The following ERI3 variants were observed in gnomAD, a reference collection of about 807,000 sequenced individuals.
The protein encoded by ERI3 is ERI1 exoribonuclease 3.
A neutral mutation model predicts 44.4 loss-of-function variants in ERI3; 18 were observed. The observed-to-expected ratio is 0.41, with a 90% confidence interval of 0.28 to 0.60. The LOEUF is 0.60. ERI3 is among the 20% of genes least tolerant of loss of function. The probability of loss-of-function intolerance (pLI) is 0.36; values close to 1 mark genes in which losing one functional copy is unlikely to be tolerated. For synonymous variants in ERI3, 183 were observed against 164.8 expected (o/e 1.11, Z -0.84); for missense variants, 294 against 435.5 (o/e 0.68, Z 2.89).
At chr1:44,293,658 G>C (rs1235964221) in intron 6 of ERI3, among the ~76,000 whole-genome samples, 1 of 152,250 alleles carries the variant, frequency 6.6e-6, no homozygotes. Flanking sequence ...TGGAGGATGA[G>C]AGTGGGAATG....
At chr1:44,309,721 T>G (rs961436660) in intron 5 of ERI3, among the ~76,000 whole-genome samples, 14 of 150,674 alleles carry the variant, frequency 9.3e-5, no homozygotes, top group Non-Finnish European at 2.1e-4. Flanking sequence ...CCTGCCACCA[T>G]GCCTGGCTAA....
chr1:44,347,226 A>G (rs1469236820), intron 2 of ERI3, among the ~76,000 whole-genome samples: 1 of 152,218 alleles, frequency 6.6e-6, no homozygotes, highest in Non-Finnish European at 1.5e-5. Context: ...ACTCAACCTT[A>G]AGCAATAATT....
At chr1:44,277,917 C>T (rs1025436109) in intron 7 of ERI3, among the ~76,000 whole-genome samples, 4 of 152,154 alleles carry the variant, frequency 2.6e-5, no homozygotes, top group Admixed American at 1.3e-4. Context: ...ATAACCATAG[C>T]GTCTAGCACA....
At chr1:44,325,039 T>C (rs895387057) in intron 3 of ERI3, among the ~76,000 whole-genome samples, 11 of 151,380 alleles carry the variant, frequency 7.3e-5, no homozygotes, top group Admixed American at 1.3e-4. Flanking sequence ...TTCATCTACC[T>C]TGTAAAATGG....
At chr1:44,301,780 G>A (rs1376183800) in intron 6 of ERI3, among the ~76,000 whole-genome samples, 2 of 152,106 alleles carry the variant, frequency 1.3e-5, no homozygotes, top group Non-Finnish European at 2.9e-5. Flanking sequence ...GAGAAATTGG[G>A]GCCTTTGGCT....
chr1:44,321,038 C>G (rs1023949620), intron 3 of ERI3, among the ~76,000 whole-genome samples: 6 of 152,068 alleles, frequency 3.9e-5, no homozygotes, highest in Admixed American at 3.9e-4. Context: ...AGAAGCAACA[C>G]GAAACGGATG....
At chr1:44,324,754 T>C (rs1476942252) in intron 3 of ERI3, among the ~76,000 whole-genome samples, 1 of 152,140 alleles carries the variant, frequency 6.6e-6, no homozygotes, top group Non-Finnish European at 1.5e-5. Context: ...AGTGTTGGGA[T>C]TACAGGCGTG....
At chr1:44,269,254 C>T (rs747714770) in intron 7 of ERI3, among the ~76,000 whole-genome samples, 5 of 152,188 alleles carry the variant, frequency 3.3e-5, no homozygotes, top group African/African-American at 4.8e-5. Context: ...ATCCAACTCC[C>T]TTATTTGTTA....
At chr1:44,288,450 G>A (rs896277025) in intron 6 of ERI3, among the ~76,000 whole-genome samples, 1 of 152,150 alleles carries the variant, frequency 6.6e-6, no homozygotes, top group Non-Finnish European at 1.5e-5. Context: ...ACTTGAGCTT[G>A]CAAGTGCCTC....
intron 6 of ERI3, among the ~76,000 whole-genome samples, chr1:44,288,964 C>T (rs1428094599): frequency 2.0e-5 from 3 of 152,196 alleles, no homozygotes; most frequent in Admixed American, 6.5e-5. Flanking sequence ...CGGGCACAAA[C>T]GTGCAGGCAG....
rs1646599239 is a variant in ERI3 at position 44,339,283 on chromosome 1, T to C, written c.251A>G (p.Gln84Arg). Residue 84 changes from glutamine (Q) to arginine (R), a missense_variant, in exon 3 of 9, where the codon CAG (glutamine) becomes CGG (arginine). Physicochemically the swap from Gln to Arg is conservative, Grantham distance 43. This residue lies in a region of ERI3 where 187 missense variants were observed against 338.6 expected (regional missense o/e 0.55). Coordinates refer to ENST00000372257, the MANE Select transcript of ERI3 (RefSeq NM_024066.3). ...ASGCSMLAPL[Q>R]TGAARFSSYL... is the part of the protein sequence containing the mutation. ...CGAAGAAAATCGAGCTGCTCCAGTC[T>C]GTAAAGGTGCTAGCATTGAACATCC... The C allele has an allele frequency of 4.4e-6, 7 of 1,608,930 alleles. No individual in the cohort carries two copies. Among genetic ancestry groups the C allele is most frequent in the Non-Finnish European group, 5.9e-6 (7 of 1,179,252 alleles).
At chr1:44,351,826 C>G (rs1442978713) in intron 2 of ERI3, among the ~76,000 whole-genome samples, 3 of 152,078 alleles carry the variant, frequency 2.0e-5, no homozygotes, top group Non-Finnish European at 4.4e-5. Context: ...CATGTCTTCA[C>G]CTAATTTTTT....
intron 4 of ERI3, among the ~76,000 whole-genome samples, chr1:44,313,529 GT>G: frequency 6.6e-6 from 1 of 152,300 alleles, no homozygotes; most frequent in Non-Finnish European, 1.5e-5. Flanking sequence ...TCAGCTTTCA[GT>G]TTGCAAACAA....
At chr1:44,298,769 C>G (rs866530135) in intron 6 of ERI3, among the ~76,000 whole-genome samples, 4 of 152,072 alleles carry the variant, frequency 2.6e-5, no homozygotes, top group Middle Eastern at 3.2e-3. Context: ...AATACAAAAA[C>G]TAGCTGGGCG....
rs114603435 is a variant in ERI3, at chr1:44,227,518, T to G, written c.932-5878A>C. Among the ~76,000 whole-genome samples, 584 of 152,304 alleles carry G rather than the reference T, an allele frequency of 3.8e-3. 5 individuals carry two copies. Among genetic ancestry groups the G allele is most frequent in the African/African-American group, 0.014 (561 of 41,554 alleles). ...CTTGACACAGGACTGCCAGATTAAATGCAGCCCCACCAGCTCCATACAGGA... is the reference window on the plus strand; with the variant it reads ...CTTGACACAGGACTGCCAGATTAAAGGCAGCCCCACCAGCTCCATACAGGA... On this transcript the variant is annotated intron_variant, in intron 8 of 8. Coordinates refer to ENST00000372257, the MANE Select transcript of ERI3 (RefSeq NM_024066.3).
At chr1:44,304,585 C>A (rs1265347562) in intron 6 of ERI3, among the ~76,000 whole-genome samples, 1 of 152,072 alleles carries the variant, frequency 6.6e-6, no homozygotes, top group East Asian at 1.9e-4. Context: ...CACATCCCCA[C>A]AGGACGGTCA....
chr1:44,313,088 C>T (rs924349478), intron 5 of ERI3, 81 bp downstream of exon 5: 41 of 1,200,916 alleles, frequency 3.4e-5, no homozygotes, highest in African/African-American at 6.0e-5. Context: ...TCAAATTACA[C>T]GGCTACATTC....
At chr1:44,246,906 A>T (rs1472241205) in intron 8 of ERI3, among the ~76,000 whole-genome samples, 1 of 152,084 alleles carries the variant, frequency 6.6e-6, no homozygotes, top group Non-Finnish European at 1.5e-5. Flanking sequence ...CCCCACAATG[A>T]TGCGACCCCA....
intron 5 of ERI3, 80 bp downstream of exon 5, chr1:44,313,089 G>A (rs934350200): frequency 8.3e-6 from 10 of 1,209,746 alleles, no homozygotes; most frequent in South Asian, 1.2e-5. Context: ...CAAATTACAC[G>A]GCTACATTCT....
Sources: gnomAD v4.1 joint callset for allele counts (sites outside exome capture counted in the v4.1 genomes callset) on GRCh38, gnomAD v4.1.1 for gene constraint, gnomAD v4.1.1 regional missense constraint, MANE v1.5 for transcripts, NCBI Gene and HGNC (gene_info 2026-07-23, HGNC 2026-07-21) for gene names.